Variants in IQGAP2 observed in about 807,000 individuals in gnomAD.
IQGAP2 encodes the protein IQ motif containing GTPase activating protein 2, also known as ras GTPase-activating-like protein IQGAP2.
Under a neutral mutation model 201.3 loss-of-function variants are expected in IQGAP2, and 173 were observed. The ratio of observed to expected loss-of-function variants is 0.86; its 90% confidence interval spans 0.76 to 0.98. IQGAP2 has a LOEUF of 0.98. Among genes scored for constraint, IQGAP2 ranks in the 50% least tolerant of loss-of-function variants. IQGAP2 has a pLI of 0.00. For synonymous variants in IQGAP2, 675 were observed against 673.9 expected (o/e 1.00, Z -0.03); for missense variants, 1,687 against 1,864.8 (o/e 0.90, Z 1.76).
chr5:76,509,584 T>A (rs948592381), intron 2 of IQGAP2, among the ~76,000 whole-genome samples: 1 of 151,956 alleles, frequency 6.6e-6, no homozygotes, highest in Non-Finnish European at 1.5e-5. Context: ...TTAGTAGAGA[T>A]GGGGTTTCAC....
intron 1 of IQGAP2, among the ~76,000 whole-genome samples, chr5:76,426,905 G>GGTGTGT (rs141560559): frequency 0.069 from 10,049 of 146,600 alleles, 478 homozygotes; most frequent in East Asian, 0.28. Flanking sequence ...AACCATGGAG[G>GGTGTGT]GTGTGTGTGT....
At chr5:76,594,653 G>A (rs1258288810) in intron 9 of IQGAP2, among the ~76,000 whole-genome samples, 1 of 152,132 alleles carries the variant, frequency 6.6e-6, no homozygotes, top group Non-Finnish European at 1.5e-5. Flanking sequence ...ATGACAATGA[G>A]ACAATTGTAC....
rs71604297 is a variant in IQGAP2, at chr5:76,610,050, T to TTCTCTCTC, written c.1358-950_1358-943dup. 8.6e-3 allele frequency among the ~76,000 whole-genome samples: 164 copies of TTCTCTCTC among 19,042 alleles called. 11 individuals are homozygous for TTCTCTCTC. The highest frequency in any genetic ancestry group is 0.077 in the Middle Eastern group (2 of 26). 12.5% of individuals were successfully genotyped at this position (19,042 alleles called of 152,430 possible). On this transcript the variant is annotated intron_variant, in intron 12 of 35. Coordinates refer to ENST00000274364, the MANE Select transcript of IQGAP2 (RefSeq NM_006633.5). ...CCCTATAGTCAGTCTTGTTCTCTCT[T>TTCTCTCTC]TCTCTCTCTCTCTCTCTCTCTCTCT...
At chr5:76,620,358 G>A (rs986382784) in intron 13 of IQGAP2, among the ~76,000 whole-genome samples, 5 of 126,504 alleles carry the variant, frequency 4.0e-5, no homozygotes, top group Admixed American at 3.7e-4. Context: ...GCGGCTTAAA[G>A]GGACTTGGTT....
intron 28 of IQGAP2, among the ~76,000 whole-genome samples, chr5:76,682,886 T>C (rs1471214119): frequency 6.6e-6 from 1 of 152,182 alleles, no homozygotes; most frequent in African/African-American, 2.4e-5. Flanking sequence ...CAGACCTTGC[T>C]GAAAAAGGGT....
At chr5:76,526,742 T>A (rs748348266) in intron 2 of IQGAP2, among the ~76,000 whole-genome samples, 2 of 152,174 alleles carry the variant, frequency 1.3e-5, no homozygotes, top group Non-Finnish European at 2.9e-5. Flanking sequence ...CTTCTTGGAT[T>A]GTAACTACTA....
rs146103788 is a variant in IQGAP2 at position 76,599,363 on chromosome 5, G to A, written c.1072-1449G>A. ...CCACTTCTCTGGCTCTGAAGCTCAA[G>A]GCTACTTATGCTTGAGGACACTCAT... On this transcript the variant is annotated intron_variant, in intron 10 of 35. Coordinates refer to ENST00000274364, the MANE Select transcript of IQGAP2 (RefSeq NM_006633.5). Among the ~76,000 whole-genome samples, 354 of 152,242 alleles carry A rather than the reference G, an allele frequency of 2.3e-3. 5 individuals carry two copies. The South Asian group carries it at 0.033, about 14-fold the overall frequency.
At chr5:76,660,738 A>C (rs1440478868) in intron 21 of IQGAP2, among the ~76,000 whole-genome samples, 1 of 152,210 alleles carries the variant, frequency 6.6e-6, no homozygotes, top group East Asian at 1.9e-4. Context: ...TTTAGCGGTT[A>C]AATTAATGAT....
intron 5 of IQGAP2, among the ~76,000 whole-genome samples, chr5:76,587,489 T>C (rs1056422614): frequency 1.3e-5 from 2 of 152,218 alleles, no homozygotes; most frequent in Non-Finnish European, 2.9e-5. Context: ...GAATAATATA[T>C]ACGTTTATAA....
At chr5:76,487,837 C>T (rs1756262329) in intron 2 of IQGAP2, among the ~76,000 whole-genome samples, 1 of 152,200 alleles carries the variant, frequency 6.6e-6, no homozygotes, top group Non-Finnish European at 1.5e-5. Flanking sequence ...GGTCAGAAAA[C>T]ATGTTTGAAT....
At chr5:76,664,682 C>CA (rs1302065009) in intron 21 of IQGAP2, among the ~76,000 whole-genome samples, 30 of 81,166 alleles carry the variant, frequency 3.7e-4, no homozygotes, top group South Asian at 8.4e-4. Context: ...GACTCCATTT[C>CA]AAAAAAAAAA....
chr5:76,532,981 A>C (rs1759401966), intron 2 of IQGAP2, among the ~76,000 whole-genome samples: 1 of 152,146 alleles, frequency 6.6e-6, no homozygotes, highest in Non-Finnish European at 1.5e-5. Context: ...GCCTCACTGA[A>C]ATCCGGCTTG....
intron 2 of IQGAP2, among the ~76,000 whole-genome samples, chr5:76,465,910 A>T (rs1157693500): frequency 6.6e-6 from 1 of 152,160 alleles, no homozygotes; most frequent in Non-Finnish European, 1.5e-5. Flanking sequence ...AAGACATCTC[A>T]TGTTCATGGA....
Position 76,671,907 on chromosome 5 carries a change from C to A in IQGAP2, c.2992C>A (p.Leu998Met), listed in dbSNP as rs772339362. 1 of 1,614,106 alleles carries A rather than the reference C, an allele frequency of 6.2e-7. No homozygotes were observed. The highest frequency in any genetic ancestry group is 8.5e-7 in the Non-Finnish European group (1 of 1,180,006). ...AAAAGAGATCATCGACGACAAGTCGCTGATTATCAACACAAACCCTGTAGA... is the reference window on the plus strand; with the variant it reads ...AAAAGAGATCATCGACGACAAGTCGATGATTATCAACACAAACCCTGTAGA... ...VVKEIIDDKS[L>M]IINTNPVEVY... The change falls in exon 24 of 36, where the codon CTG (leucine) becomes ATG (methionine). Residue 998 changes from leucine to methionine, a missense_variant. Physicochemically the swap from Leu to Met is conservative, Grantham distance 15. Transcript: ENST00000274364.
At chr5:76,520,818 C>T (rs4585424) in intron 2 of IQGAP2, among the ~76,000 whole-genome samples, 40,014 of 150,078 alleles carry the variant, frequency 0.27, 5,695 homozygotes, top group Middle Eastern at 0.42. Context: ...AGCGATTTTC[C>T]TTCGTCAGCC....
Position 76,501,729 on chromosome 5 carries a change from G to A in IQGAP2, c.146+40060G>A, listed in dbSNP as rs1404943796. ...ACGATCTCGGCTCACTGCAACCTCC[G>A]CCTCCTGGGTTCAAGTGATTCTCCT... On this transcript the variant is annotated intron_variant, in intron 2 of 35. Transcript: ENST00000274364. Among the ~76,000 whole-genome samples, 4 of 142,172 alleles carry A rather than the reference G, an allele frequency of 2.8e-5. No homozygotes were observed. The South Asian group carries it at 6.7e-4, about 24-fold the overall frequency. 93.3% of individuals were successfully genotyped at this position (142,172 alleles called of 152,430 possible). A position where few individuals can be genotyped will look rare whatever the true frequency, so the allele number is the denominator to read the frequency against.
chr5:76,469,399 A>AT (rs747233500), intron 2 of IQGAP2, among the ~76,000 whole-genome samples: 12,453 of 146,652 alleles, frequency 0.085, 493 homozygotes, highest in South Asian at 0.16. Flanking sequence ...CAAAAAATGA[A>AT]TTTTTTTTTT....
chr5:76,625,601 C>G (rs766234496), intron 13 of IQGAP2, among the ~76,000 whole-genome samples: 2 of 152,188 alleles, frequency 1.3e-5, no homozygotes, highest in Non-Finnish European at 2.9e-5. Context: ...CCAACACTTC[C>G]CCAGAGGTCT....
At chr5:76,609,256 G>C (rs1748063576) in intron 12 of IQGAP2, 35 of 1,535,120 alleles carry the variant, frequency 2.3e-5, no homozygotes, top group Non-Finnish European at 2.8e-5. Flanking sequence ...TACCCAAGGG[G>C]GGTGACCAGA....
Sources: allele counts gnomAD v4.1 joint callset (sites outside exome capture counted in the v4.1 genomes callset), GRCh38; gene constraint gnomAD v4.1.1; transcripts MANE v1.5; gene names NCBI Gene and HGNC (gene_info 2026-07-23, HGNC 2026-07-21).